GNG10: variants seen among roughly 807,000 people sequenced by gnomAD.
The protein encoded by GNG10 is G protein subunit gamma 10.
In GNG10, 7 loss-of-function variants were observed where a neutral mutation model predicts 6.8. The ratio of observed to expected loss-of-function variants is 1.02; its 90% confidence interval spans 0.58 to 1.92. The LOEUF (loss-of-function observed/expected upper bound fraction) is 1.92. GNG10 is among the 30% of genes most tolerant of loss of function. The pLI is 0.00. For synonymous variants in GNG10, 28 were observed against 34.8 expected, an observed-to-expected ratio of 0.80 and a Z score of 0.69; for missense variants, 57 against 86.1, an observed-to-expected ratio of 0.66 and a Z score of 1.34.
rs767968680 is a variant in GNG10, at chr9:111,661,721, G to C, written c.81+6G>C. The C allele has an allele frequency of 2.2e-6, 3 of 1,340,118 alleles. No homozygotes were observed. The highest frequency in any genetic ancestry group is 2.9e-6 in the Non-Finnish European group (3 of 1,023,792). 83.0% of individuals were successfully genotyped at this position (1,340,118 alleles called of 1,614,324 possible). A position where few individuals can be genotyped will look rare whatever the true frequency, so the allele number is the denominator to read the frequency against. ...CTGGCGTGGAGAGGATCAAGGTGCG[G>C]GCCCCGGGTACCCACGCTCCGGTCC... On this transcript the variant is annotated splice_donor_region_variant and intron_variant, in intron 1 of 2. Coordinates refer to ENST00000374293, the MANE Select transcript of GNG10 (RefSeq NM_001017998.4). The surrounding 1 kb of genome is among the most constrained non-coding windows in gnomAD (Gnocchi z 6.1).
chr9:111,666,709 CA>C, intron 1 of GNG10, 105 bp from the exon 2 acceptor site: 2 of 1,430,694 alleles, frequency 1.4e-6, no homozygotes, highest in African/African-American at 1.4e-5. Flanking sequence ...TTGGAGGTCA[CA>C]AAAAGTTGAT....
chr9:111,664,535 A>C (rs527699537), intron 1 of GNG10, among the ~76,000 whole-genome samples: 2 of 152,234 alleles, frequency 1.3e-5, no homozygotes, highest in Admixed American at 1.3e-4. Context: ...GCCTCACAGA[A>C]GTTGCTGGGT....
Position 111,661,715 on chromosome 9 carries a change from G to A in GNG10, c.81G>A (p.Lys27=). The A allele has an allele frequency of 2.2e-6, 3 of 1,355,780 alleles. No homozygotes were observed. The highest frequency in any genetic ancestry group is 2.9e-6 in the Non-Finnish European group (3 of 1,032,518). The allele number at this position is 1,355,780 out of a possible 1,614,324, so 84.0% of individuals were successfully genotyped here. The part of the protein sequence containing the change: ...LKLEAGVERI[K]VSQAAAELQQ... ...TGGAGGCTGGCGTGGAGAGGATCAA[G>A]GTGCGGGCCCCGGGTACCCACGCTC... The change falls in exon 1 of 3, where the codon AAG becomes AAA. Residue 27 remains lysine, a splice_region_variant and synonymous_variant. Coordinates refer to ENST00000374293, the MANE Select transcript of GNG10 (RefSeq NM_001017998.4). This position sits in a 1 kb window ranked among gnomAD's most constrained non-coding sequence, Gnocchi z 6.1.
intron 1 of GNG10, among the ~76,000 whole-genome samples, chr9:111,665,812 C>T (rs921337896): frequency 2.6e-5 from 4 of 151,798 alleles, no homozygotes; most frequent in African/African-American, 2.4e-5. Flanking sequence ...CTGAAACCTC[C>T]GCCTCCTGGG....
intron 1 of GNG10, 109 bp from the exon 2 acceptor site, chr9:111,666,706 T>A (rs1830904777): frequency 2.1e-6 from 3 of 1,417,044 alleles, no homozygotes; most frequent in Admixed American, 5.0e-5. Context: ...CTTTTGGAGG[T>A]CACAAAAAGT....
At chr9:111,663,946 G>A (rs1469875907) in intron 1 of GNG10, among the ~76,000 whole-genome samples, 2 of 151,254 alleles carry the variant, frequency 1.3e-5, no homozygotes, top group Non-Finnish European at 2.9e-5. Flanking sequence ...TCAGCCTCCC[G>A]AGTAGCTGGG....
chr9:111,667,168 C>A (rs999501470), intron 2 of GNG10, among the ~76,000 whole-genome samples: 3 of 152,188 alleles, frequency 2.0e-5, no homozygotes, highest in African/African-American at 7.2e-5. Context: ...GGCACTAAGT[C>A]ATGAGATGCC....
rs1223780321 is a variant in GNG10 at position 111,669,365 on chromosome 9, A to T, written c.*103A>T. 6.6e-6 allele frequency: 1 copy of T among 152,162 alleles called. No individual in the cohort carries two copies. The highest frequency in any genetic ancestry group is 1.9e-4 in the East Asian group (1 of 5,196). The allele number at this position is 152,162 out of a possible 1,614,324, so 9.4% of individuals were successfully genotyped here. A position where few individuals can be genotyped will look rare whatever the true frequency, so the allele number is the denominator to read the frequency against. Reference sequence around the variant, plus strand: ...ACACTTTTCCCTAACTTTTAGAGATATTTCAGCCCTTTCCTGTGGCCTGGT... The same window carrying T: ...ACACTTTTCCCTAACTTTTAGAGATTTTTCAGCCCTTTCCTGTGGCCTGGT... On this transcript the variant is annotated 3_prime_UTR_variant, in exon 3 of 3. Coordinates refer to ENST00000374293, the MANE Select transcript of GNG10 (RefSeq NM_001017998.4).
chr9:111,664,515 C>T (rs74707404), intron 1 of GNG10, among the ~76,000 whole-genome samples: 2,550 of 152,228 alleles, frequency 0.017, 62 homozygotes, highest in African/African-American at 0.058. Flanking sequence ...AGAACTCCTC[C>T]TTTAGAGGAG....
chr9:111,662,414 C>CAGCAAGGTTTCCG (rs1830837831), intron 1 of GNG10, among the ~76,000 whole-genome samples: 1 of 152,004 alleles, frequency 6.6e-6, no homozygotes, highest in Non-Finnish European at 1.5e-5. Context: ...AAATAAGAGA[C>CAGCAAGGTTTCCG]AGCAAGGTTT....
rs1380204454 is a variant in GNG10 at position 111,670,113 on chromosome 9, T to C, written c.*851T>C. On this transcript the variant is annotated 3_prime_UTR_variant, in exon 3 of 3. Coordinates refer to ENST00000374293, the MANE Select transcript of GNG10 (RefSeq NM_001017998.4). ...AAAGAATTCTTAACTTCACAAGTGT[T>C]TTACTTCGACGATGTGCCTTTGATT... The C allele has an allele frequency of 6.6e-6, 1 of 152,654 alleles. No homozygotes were observed. Among genetic ancestry groups the C allele is most frequent in the Admixed American group, 6.5e-5 (1 of 15,288 alleles). The allele number at this position is 152,654 out of a possible 1,614,324, so 9.5% of individuals were successfully genotyped here.
Position 111,661,779 on chromosome 9 carries a change from GC to G in GNG10, c.81+65del. The stretch of plus-strand genomic sequence containing the variant: ...CGCGGGGCGTGAGAAGAGGAGGCCG[GC>G]GGCCCGGACCGGGCGCCAGCGGGGG... On this transcript the variant is annotated intron_variant, in intron 1 of 2. Coordinates refer to ENST00000374293, the MANE Select transcript of GNG10 (RefSeq NM_001017998.4). This position sits in a 1 kb window ranked among gnomAD's most constrained non-coding sequence, Gnocchi z 6.1. 1 of 1,034,484 alleles carries G rather than the reference GC, an allele frequency of 9.7e-7. No individual in the cohort carries two copies. Among genetic ancestry groups the G allele is most frequent in the South Asian group, 3.1e-5 (1 of 32,378 alleles). 64.1% of individuals were successfully genotyped at this position (1,034,484 alleles called of 1,614,324 possible). A position where few individuals can be genotyped will look rare whatever the true frequency, so the allele number is the denominator to read the frequency against.
At chr9:111,668,356 G>A (rs536677714) in intron 2 of GNG10, among the ~76,000 whole-genome samples, 1 of 152,102 alleles carries the variant, frequency 6.6e-6, no homozygotes, top group East Asian at 1.9e-4. Context: ...AATGGAAAAT[G>A]TTCATATTTA....
intron 1 of GNG10, among the ~76,000 whole-genome samples, chr9:111,663,923 C>T (rs568120769): frequency 2.6e-5 from 4 of 151,228 alleles, no homozygotes; most frequent in Admixed American, 2.6e-4. Flanking sequence ...CAGGTTCAAG[C>T]GATTCTCCTG....
chr9:111,664,980 T>C (rs12339017), intron 1 of GNG10, among the ~76,000 whole-genome samples: 4 of 152,212 alleles, frequency 2.6e-5, no homozygotes, highest in Non-Finnish European at 4.4e-5. Flanking sequence ...AAGCAAACTT[T>C]AGCATTAGCC....
In GNG10 at chr9:111,668,196, G is replaced by A. The variant is rs537213579; in HGVS notation, c.*7-1073G>A. Among the ~76,000 whole-genome samples, 5 of 152,188 alleles carry A rather than the reference G, an allele frequency of 3.3e-5. No individual in the cohort carries two copies. The East Asian group carries it at 5.8e-4, about 18-fold the overall frequency. On this transcript the variant is annotated intron_variant, in intron 2 of 2. Coordinates refer to ENST00000374293, the MANE Select transcript of GNG10 (RefSeq NM_001017998.4). ...GAGGACAAGGGCATGAATTATTAGA[G>A]TCTTTTGGGACCAACATATTTCAAA...
intron 2 of GNG10, among the ~76,000 whole-genome samples, chr9:111,669,002 G>A (rs918573309): frequency 3.9e-5 from 6 of 152,036 alleles, no homozygotes; most frequent in Non-Finnish European, 5.9e-5. Flanking sequence ...GATTACAGGT[G>A]CCCGCCACCA....
At chr9:111,666,350 A>T (rs1830898315) in intron 1 of GNG10, among the ~76,000 whole-genome samples, 1 of 152,144 alleles carries the variant, frequency 6.6e-6, no homozygotes, top group Non-Finnish European at 1.5e-5. Flanking sequence ...CCCAAATAAT[A>T]AGCTATACCG....
intron 1 of GNG10, among the ~76,000 whole-genome samples, chr9:111,665,736 GT>G (rs1171131621): frequency 6.6e-6 from 1 of 151,328 alleles, no homozygotes; most frequent in East Asian, 1.9e-4. Context: ...TTCTTTTTTT[GT>G]TTTTTTGAGA....
Sources: allele counts gnomAD v4.1 joint callset (sites outside exome capture counted in the v4.1 genomes callset), GRCh38; gene constraint gnomAD v4.1.1; non-coding constraint Gnocchi (gnomAD v3.1); transcripts MANE v1.5; gene names NCBI Gene and HGNC (gene_info 2026-07-23, HGNC 2026-07-21).